TOP2B: variants seen among roughly 807,000 people sequenced by gnomAD.
The protein encoded by TOP2B is DNA topoisomerase 2-beta.
Under a neutral mutation model 193.5 loss-of-function variants are expected in TOP2B, and 51 were observed. The ratio of observed to expected loss-of-function variants is 0.26; its 90% CI spans 0.21 to 0.33. The LOEUF (loss-of-function observed/expected upper bound fraction) is 0.33. TOP2B is among the 10% of genes least tolerant of loss of function. The probability of loss-of-function intolerance (pLI) is 1.00; values close to 1 mark genes in which losing one functional copy is unlikely to be tolerated. For synonymous variants in TOP2B, 634 were observed against 635.7 expected (o/e 1.00, Z 0.04); for missense variants, 1,378 against 1,909.3 (o/e 0.72, Z 5.19).
At chr3:25,627,088 A>C in intron 16 of TOP2B, 99 bp downstream of exon 16, 1 of 880,910 alleles carries the variant, frequency 1.1e-6, no homozygotes, top group Non-Finnish European at 1.8e-6. Flanking sequence ...TAGCTTGAGC[A>C]TTCAAAAGAG....
At chr3:25,613,729 A>G (rs1041058289) in intron 27 of TOP2B, among the ~76,000 whole-genome samples, 10 of 150,336 alleles carry the variant, frequency 6.7e-5, no homozygotes, top group African/African-American at 1.7e-4. Context: ...CCATGTCTCA[A>G]AAAAAAAAAA....
At chr3:25,661,117 C>T (rs566947613) in intron 1 of TOP2B, among the ~76,000 whole-genome samples, 1 of 151,892 alleles carries the variant, frequency 6.6e-6, no homozygotes, top group Admixed American at 6.6e-5. Context: ...TCTCCTGCCT[C>T]AGCCTCCCGA....
At chr3:25,619,029 T>C (rs1459901749) in intron 23 of TOP2B, among the ~76,000 whole-genome samples, 180 bp from the exon 24 acceptor site, 1 of 152,162 alleles carries the variant, frequency 6.6e-6, no homozygotes, top group Non-Finnish European at 1.5e-5. Flanking sequence ...TCTGTAAATA[T>C]TTCTTTGGTG....
intron 1 of TOP2B, 151 bp downstream of exon 1, chr3:25,664,078 G>T: frequency 8.8e-7 from 1 of 1,135,124 alleles, no homozygotes; most frequent in Non-Finnish European, 1.2e-6. Context: ...CGGGGAGCGG[G>T]CTGGAGGATT....
Position 25,599,404 on chromosome 3 carries a change from T to C in TOP2B, c.4710+31A>G, listed in dbSNP as rs777143371. ...TTACAGATCTTTTTTTAAAAAGCCA[T>C]GCACTAATATGCAATGATGTTCCCG... On this transcript the variant is annotated intron_variant, in intron 35 of 35. Transcript: ENST00000264331. 22 of 1,599,754 alleles carry C rather than the reference T, an allele frequency of 1.4e-5. No homozygotes were observed. The Admixed American group carries it at 2.4e-4, about 17-fold the overall frequency.
Position 25,664,859 on chromosome 3 carries a change from G to T in TOP2B, c.-562C>A. Reference sequence around the variant, plus strand: ...AGGGACAATAAACAGAGCCGCCGCCGCCGCCGCCACGGTCACCTCCCTCTT... The same window carrying T: ...AGGGACAATAAACAGAGCCGCCGCCTCCGCCGCCACGGTCACCTCCCTCTT... On this transcript the variant is annotated 5_prime_UTR_variant, in exon 1 of 36. Coordinates refer to ENST00000264331, the MANE Select transcript of TOP2B (RefSeq NM_001330700.2). 1 of 990,020 alleles carries T rather than the reference G, an allele frequency of 1.0e-6. No homozygotes were observed. The highest frequency in any genetic ancestry group is 4.5e-5 in the South Asian group (1 of 22,072). 61.3% of individuals were successfully genotyped at this position (990,020 alleles called of 1,614,324 possible).
rs1023791529 is a variant in TOP2B, at chr3:25,609,600, C to G, written c.3899G>C (p.Gly1300Ala). The stretch of plus-strand genomic sequence containing the variant: ...CTTCTTCTCCCTCTTAGGTTTGGGA[C>G]CTTTATTTATAGGAACTGATGGAGT... ...ALTPSVPINK[G>A]PKPKREKKEP... The change falls in exon 29 of 36, where the codon GGT becomes GCT. Residue 1300 changes from glycine (G) to alanine (A), a missense_variant. Gly to Ala is a moderately conservative substitution (Grantham distance 60, BLOSUM62 0). Around this residue, in one of 9 missense-constraint regions of TOP2B, gnomAD observed 556 missense variants for 584.2 expected, o/e 0.95. Transcript: ENST00000264331. The G allele has an allele frequency of 1.2e-6, 2 of 1,602,834 alleles. No homozygotes were observed. The highest frequency in any genetic ancestry group is 3.4e-5 in the Admixed American group (2 of 58,356).
intron 1 of TOP2B, among the ~76,000 whole-genome samples, chr3:25,661,481 G>T (rs1703908530): frequency 6.6e-6 from 1 of 152,074 alleles, no homozygotes. Flanking sequence ...AAATGTCTTT[G>T]TTACAATCAC....
intron 17 of TOP2B, 47 bp downstream of exon 17, chr3:25,626,725 A>T (rs1446409189): frequency 3.3e-6 from 5 of 1,532,424 alleles, no homozygotes; most frequent in Non-Finnish European, 3.6e-6. Flanking sequence ...CATGAATTCT[A>T]GTCTCTCTCT....
At chr3:25,660,563 G>A (rs1169732741) in intron 1 of TOP2B, among the ~76,000 whole-genome samples, 4 of 152,148 alleles carry the variant, frequency 2.6e-5, no homozygotes, top group Non-Finnish European at 4.4e-5. Flanking sequence ...CAGATGGAAG[G>A]CAAATATGTA....
intron 21 of TOP2B, among the ~76,000 whole-genome samples, chr3:25,621,697 C>A (rs1437081923): frequency 1.3e-5 from 2 of 151,824 alleles, no homozygotes; most frequent in African/African-American, 4.8e-5. Flanking sequence ...ATTAAGAAAT[C>A]GAGTATATAG....
At position 25,618,883 on chromosome 3, in the gene TOP2B, A is replaced by G. The variant is rs982195041; in HGVS notation, c.3064-34T>C. On this transcript the variant is annotated intron_variant, in intron 23 of 35. Transcript: ENST00000264331. ...AACACATATACTTTGCAGATCATAT[A>G]GATCTGTACTGGTATTTTAACTTAT... 6.9e-6 allele frequency: 10 copies of G among 1,449,560 alleles called. No homozygotes were observed. In the East Asian group the frequency reaches 2.3e-4, roughly 34 times the overall value. The allele number at this position is 1,449,560 out of a possible 1,614,324, so 89.8% of individuals were successfully genotyped here. A position where few individuals can be genotyped will look rare whatever the true frequency, so the allele number is the denominator to read the frequency against.
intron 21 of TOP2B, 131 bp from the exon 22 acceptor site, chr3:25,620,947 T>C (rs1202711339): frequency 1.1e-5 from 10 of 940,584 alleles, no homozygotes; most frequent in African/African-American, 5.0e-5. Context: ...TTCCAACTGA[T>C]CAATTAAGCT....
In TOP2B at chr3:25,643,770, A is replaced by G. The variant is rs1703330487; in HGVS notation, c.255T>C (p.Tyr85=). ...VEPLTQFMWV[Y]DEDVGMNCRE... is the part of the protein sequence containing the mutation. Reference sequence around the variant, plus strand: ...TGCAATTCATTCCTACATCTTCATCATACACCCACATGAACTGCATTGAAA... The same window carrying G: ...TGCAATTCATTCCTACATCTTCATCGTACACCCACATGAACTGCATTGAAA... Residue 85 remains tyrosine (Y), a synonymous_variant, in exon 3 of 36, where the codon TAT becomes TAC. Coordinates refer to ENST00000264331, the MANE Select transcript of TOP2B (RefSeq NM_001330700.2). The G allele has an allele frequency of 1.2e-6, 2 of 1,613,200 alleles. No homozygotes were observed. The highest frequency in any genetic ancestry group is 1.7e-5 in the Admixed American group (1 of 60,018).
At chr3:25,659,523 T>C (rs1472368203) in intron 1 of TOP2B, among the ~76,000 whole-genome samples, 4 of 152,198 alleles carry the variant, frequency 2.6e-5, no homozygotes, top group African/African-American at 7.2e-5. Context: ...CTCCATGAAA[T>C]AGACACTGTT....
chr3:25,628,741 A>G (rs201286684), intron 15 of TOP2B, 106 bp downstream of exon 15: 10 of 652,618 alleles, frequency 1.5e-5, no homozygotes, highest in Non-Finnish European at 2.5e-5. Flanking sequence ...AGTGATAGCT[A>G]TTTTCGAAGT....
chr3:25,645,042 C>T (rs549151932), intron 2 of TOP2B, among the ~76,000 whole-genome samples: 1 of 151,724 alleles, frequency 6.6e-6, no homozygotes, highest in African/African-American at 2.4e-5. Flanking sequence ...GATCTCCTGA[C>T]CTTGTGATCC....
At chr3:25,607,143 T>C (rs751626368) in intron 31 of TOP2B, 28 bp downstream of exon 31, 1 of 1,609,850 alleles carries the variant, frequency 6.2e-7, no homozygotes, top group Non-Finnish European at 8.5e-7. Context: ...CAATTAACTA[T>C]ACCACATCAC....
chr3:25,647,818 T>C (rs1320172252), intron 1 of TOP2B, among the ~76,000 whole-genome samples: 1 of 152,124 alleles, frequency 6.6e-6, no homozygotes, highest in East Asian at 1.9e-4. Flanking sequence ...TAAGATAATG[T>C]CTAAAAAAAA....
Sources: gnomAD v4.1 joint callset for allele counts (sites outside exome capture counted in the v4.1 genomes callset) on GRCh38, gnomAD v4.1.1 for gene constraint, gnomAD v4.1.1 regional missense constraint, MANE v1.5 for transcripts, NCBI Gene and HGNC (gene_info 2026-07-23, HGNC 2026-07-21) for gene names.